Variants in VPS13A observed in about 807,000 individuals in gnomAD.
VPS13A encodes the protein intermembrane lipid transfer protein VPS13A.
Under a neutral mutation model 390.9 loss-of-function variants are expected in VPS13A, and 264 were observed. That is an observed-to-expected ratio of 0.68 (90% CI 0.61 to 0.75). The LOEUF (loss-of-function observed/expected upper bound fraction) is 0.75. Ranked by LOEUF, VPS13A falls within the 30% of genes least tolerant of loss-of-function variation. The probability of loss-of-function intolerance (pLI) is 0.00; values close to 1 mark genes in which losing one functional copy is unlikely to be tolerated. For missense variants in VPS13A, 3,409 were observed against 3,733.9 expected (o/e 0.91, Z 2.27); for synonymous variants, 1,231 against 1,227.1 (o/e 1.00, Z -0.07).
intron 71 of VPS13A, among the ~76,000 whole-genome samples, chr9:77,413,083 G>A (rs1046955655): frequency 6.6e-4 from 100 of 152,238 alleles, no homozygotes; most frequent in African/African-American, 2.0e-3. Context: ...CCACTGCTCA[G>A]TGAAATAAAA....
chr9:77,339,696 A>G lies in VPS13A; in HGVS notation c.6559A>G (p.Thr2187Ala). The part of the protein sequence containing the change: ...DISFVSFTCV[T>A]EMEKTDLDIA... ...TAGTTTTGTCAGTTTTACTTGTGTT[A>G]CAGAAATGGAAAAGACTGATTTAGA... The change falls in exon 48 of 72, where the codon ACA becomes GCA. Residue 2187 changes from threonine (T) to alanine (A), a missense_variant. Coordinates refer to ENST00000360280, the MANE Select transcript of VPS13A (RefSeq NM_033305.3). 6.2e-7 allele frequency: 1 copy of G among 1,614,020 alleles called. No individual in the cohort carries two copies. The highest frequency in any genetic ancestry group is 8.5e-7 in the Non-Finnish European group (1 of 1,179,966).
chr9:77,273,260 T>C lies in VPS13A; in HGVS notation c.2428-20T>C, dbSNP rs1283946171. 2 of 1,582,914 alleles carry C rather than the reference T, an allele frequency of 1.3e-6. No individual in the cohort carries two copies. The highest frequency in any genetic ancestry group is 1.1e-5 in the South Asian group (1 of 89,232). ...ATAAACATTTTTGTGCTAATCAACA[T>C]TGAATTACTTTTCTTTCAGATTCAA... On this transcript the variant is annotated intron_variant, in intron 23 of 71. Coordinates refer to ENST00000360280, the MANE Select transcript of VPS13A (RefSeq NM_033305.3).
At chr9:77,404,971 T>A (rs1330362075) in intron 69 of VPS13A, among the ~76,000 whole-genome samples, 1 of 151,352 alleles carries the variant, frequency 6.6e-6, no homozygotes, top group Non-Finnish European at 1.5e-5. Flanking sequence ...TCCTTTTCCA[T>A]CCTAGCCAGG....
rs772351185 is a variant in VPS13A at position 77,282,253 on chromosome 9, G to A, written c.3097G>A (p.Gly1033Arg). 2 of 1,611,782 alleles carry A rather than the reference G, an allele frequency of 1.2e-6. No homozygotes were observed. Among genetic ancestry groups the A allele is most frequent in the East Asian group, 4.5e-5 (2 of 44,744 alleles). ...PVSTTETEDK[G>R]DVIKKLALKL... is the part of the protein sequence containing the mutation. ...GTCCACTACAGAGACTGAAGACAAA[G>A]GAGATGTCATTAAAAAATTAGGTAT... The change falls in exon 29 of 72, where the codon GGA becomes AGA. Residue 1033 changes from glycine (G) to arginine (R), a missense_variant. Physicochemically the swap from Gly to Arg is moderately radical, Grantham distance 125. Transcript: ENST00000360280.
At chr9:77,279,275 A>G (rs1390374402) in intron 26 of VPS13A, among the ~76,000 whole-genome samples, 2 of 152,104 alleles carry the variant, frequency 1.3e-5, no homozygotes. Flanking sequence ...TGGAGTGGGA[A>G]GGTGGTCTTC....
chr9:77,180,104 C>T (rs1437597480), intron 1 of VPS13A, among the ~76,000 whole-genome samples: 1 of 152,166 alleles, frequency 6.6e-6, no homozygotes, highest in East Asian at 1.9e-4. Flanking sequence ...TTTATCTATA[C>T]TCACCAGTTG....
In VPS13A at chr9:77,371,156, C is replaced by T; in HGVS notation, c.9077+7C>T. 1 of 1,613,840 alleles carries T rather than the reference C, an allele frequency of 6.2e-7. No homozygotes were observed. The highest frequency in any genetic ancestry group is 8.5e-7 in the Non-Finnish European group (1 of 1,179,868). ...CATTTCAGGGAATAAAAAGGTAAATCCTCTTTGGTGTAAGATATGAGTTAA... is the reference window on the plus strand; with the variant it reads ...CATTTCAGGGAATAAAAAGGTAAATTCTCTTTGGTGTAAGATATGAGTTAA... On this transcript the variant is annotated splice_region_variant and intron_variant, in intron 67 of 71. Transcript: ENST00000360280.
Position 77,314,124 on chromosome 9 carries a change from G to C in VPS13A, c.4242+5G>C. On this transcript the variant is annotated splice_donor_5th_base_variant and intron_variant, in intron 36 of 71. Coordinates refer to ENST00000360280, the MANE Select transcript of VPS13A (RefSeq NM_033305.3). ...TATAGTCCAGGTCCTAAACAGGTAA[G>C]TCCAGGAAGAAAAGAAAATGTATTT... 2 of 1,612,634 alleles carry C rather than the reference G, an allele frequency of 1.2e-6. No individual in the cohort carries two copies. The highest frequency in any genetic ancestry group is 1.7e-6 in the Non-Finnish European group (2 of 1,179,252).
intron 46 of VPS13A, among the ~76,000 whole-genome samples, chr9:77,336,760 T>G (rs1439219518): frequency 6.6e-6 from 1 of 151,502 alleles, no homozygotes; most frequent in Non-Finnish European, 1.5e-5. Flanking sequence ...TCAAACAACT[T>G]GATGAGCTTC....
chr9:77,321,564 C>A lies in VPS13A; in HGVS notation c.5648C>A (p.Ser1883Tyr), dbSNP rs1829750763. Residue 1883 changes from serine (S) to tyrosine (Y), a missense_variant, in exon 44 of 72, where the codon TCC becomes TAC. By Grantham distance (144) the Ser-to-Tyr change is moderately radical. This residue lies in a region of VPS13A where 2,717 missense variants were observed against 2,917.4 expected (regional missense o/e 0.93). Transcript: ENST00000360280. ...KDLAPFMILN[S>Y]LGLTISVSPS... ...CTAGCACCATTTATGATTTTAAATT[C>A]CCTTGGACTTACTATTTCTGTTTCG... 1.2e-6 allele frequency: 2 copies of A among 1,613,420 alleles called. No homozygotes were observed. Among genetic ancestry groups the A allele is most frequent in the Non-Finnish European group, 1.7e-6 (2 of 1,179,616 alleles).
intron 1 of VPS13A, among the ~76,000 whole-genome samples, chr9:77,190,953 C>T (rs1050946692): frequency 1.3e-5 from 2 of 151,620 alleles, no homozygotes; most frequent in Non-Finnish European, 2.9e-5. Context: ...TTATTTGGAT[C>T]TCCTCTCTCT....
chr9:77,210,686 T>G lies in VPS13A; in HGVS notation c.555+11T>G. 3 of 1,612,714 alleles carry G rather than the reference T, an allele frequency of 1.9e-6. No homozygotes were observed. Among genetic ancestry groups the G allele is most frequent in the Non-Finnish European group, 1.7e-6 (2 of 1,179,028 alleles). On this transcript the variant is annotated intron_variant, in intron 7 of 71. Coordinates refer to ENST00000360280, the MANE Select transcript of VPS13A (RefSeq NM_033305.3). ...AATCTGAGCATGCAGGTATTTTGTT[T>G]ATAAAAGAATCTTAACCATATTTAA... is the stretch of plus-strand genomic sequence containing the variant.
rs1187944924 is a variant in VPS13A, at chr9:77,252,267, G to A, written c.2203G>A (p.Val735Ile). ...TTGGAGAGAAGCACGAAAACTCAGT[G>A]TATCTACCCAGCATATTTTGGTACC... Reference protein sequence around the residue: ...DNWREARKLSVSTQHILVPMH... With the variant: ...DNWREARKLSISTQHILVPMH... The change falls in exon 22 of 72, where the codon GTA (valine) becomes ATA (isoleucine). Residue 735 changes from valine to isoleucine, a missense_variant. Val to Ile is a conservative substitution (Grantham distance 29). This residue lies in a region of VPS13A where 2,717 missense variants were observed against 2,917.4 expected (regional missense o/e 0.93). Transcript: ENST00000360280. 4 of 1,613,898 alleles carry A rather than the reference G, an allele frequency of 2.5e-6. No homozygotes were observed. The highest frequency in any genetic ancestry group is 3.3e-5 in the Admixed American group (2 of 60,010).
intron 68 of VPS13A, among the ~76,000 whole-genome samples, chr9:77,386,323 T>C (rs182984093): frequency 9.8e-5 from 15 of 152,308 alleles, no homozygotes; most frequent in East Asian, 1.9e-4. Flanking sequence ...AGTTTCTTCA[T>C]TGGCTTCTTA....
intron 71 of VPS13A, among the ~76,000 whole-genome samples, chr9:77,413,708 A>C (rs1321196995): frequency 6.6e-6 from 1 of 152,202 alleles, no homozygotes; most frequent in African/African-American, 2.4e-5. Context: ...AAAACACCAA[A>C]AGCAATGGCA....
chr9:77,305,659 C>T (rs1472258973), intron 34 of VPS13A: 1 of 168,230 alleles, frequency 5.9e-6, no homozygotes, highest in South Asian at 1.3e-4. Context: ...GCTTCCCTTA[C>T]TCTAATTCAC....
At chr9:77,277,443 A>G (rs1390334410) in intron 26 of VPS13A, among the ~76,000 whole-genome samples, 1 of 152,198 alleles carries the variant, frequency 6.6e-6, no homozygotes, top group Non-Finnish European at 1.5e-5. Context: ...GTAATTACCA[A>G]GAGTCCACAA....
chr9:77,260,079 A>G lies in VPS13A; in HGVS notation c.2289-7A>G, dbSNP rs942042782. The G allele has an allele frequency of 6.8e-6, 10 of 1,463,312 alleles. No homozygotes were observed. The highest frequency in any genetic ancestry group is 1.7e-5 in the Admixed American group (1 of 57,932). 90.6% of individuals were successfully genotyped at this position (1,463,312 alleles called of 1,614,324 possible). On this transcript the variant is annotated splice_polypyrimidine_tract_variant and splice_region_variant and intron_variant, in intron 22 of 71. Transcript: ENST00000360280. The stretch of plus-strand genomic sequence containing the variant: ...TATAATTACTTATTTTTATCTTTTC[A>G]AAACAGATTCAAGATTTATGGAAAG...
chr9:77,245,385 T>C (rs543807888), intron 19 of VPS13A, among the ~76,000 whole-genome samples: 4 of 152,348 alleles, frequency 2.6e-5, no homozygotes, highest in African/African-American at 7.2e-5. Context: ...GAATGTCAGA[T>C]TGACCCTTCT....
Sources: allele counts gnomAD v4.1 joint callset (sites outside exome capture counted in the v4.1 genomes callset), GRCh38; gene constraint gnomAD v4.1.1; regional missense constraint gnomAD v4.1.1; transcripts MANE v1.5; gene names NCBI Gene and HGNC (gene_info 2026-07-23, HGNC 2026-07-21).